Variants in SLC35F4 observed in about 807,000 individuals in gnomAD.
SLC35F4 encodes chromosome 14 open reading frame 36.
Under a neutral mutation model 44.2 loss-of-function variants are expected in SLC35F4, and 24 were observed. The observed-to-expected ratio is 0.54, with a 90% CI of 0.39 to 0.76. SLC35F4 has a LOEUF of 0.76. SLC35F4 is among the 30% of genes least tolerant of loss of function. The pLI is 0.00. For missense variants in SLC35F4, 562 were observed against 586.1 expected (o/e 0.96, Z 0.42); for synonymous variants, 238 against 223.6 (o/e 1.06, Z -0.57).
At chr14:57,957,414 G>A (rs1445410895) in intron 1 of SLC35F4, among the ~76,000 whole-genome samples, 1 of 141,018 alleles carries the variant, frequency 7.1e-6, no homozygotes, top group Non-Finnish European at 1.5e-5. Context: ...TTCTGCACAC[G>A]TACCCCAGAA....
At chr14:57,806,427 G>A (rs1456200609) in intron 1 of SLC35F4, among the ~76,000 whole-genome samples, 1 of 152,024 alleles carries the variant, frequency 6.6e-6, no homozygotes, top group Non-Finnish European at 1.5e-5. Context: ...AAAATATTGT[G>A]TCCCAAACAC....
rs534298833 is a variant in SLC35F4 at position 57,863,511 on chromosome 14, T to C, written c.103+2212A>G. Among the ~76,000 whole-genome samples, 3 of 152,372 alleles carry C rather than the reference T, an allele frequency of 2.0e-5. No homozygotes were observed. In the South Asian group the frequency reaches 6.2e-4, roughly 32 times the overall value. On this transcript the variant is annotated intron_variant, in intron 1 of 7. Coordinates refer to ENST00000556826, the MANE Select transcript of SLC35F4 (RefSeq NM_001306087.2). ...AAAGTCACCTTGCTTTCACATATTA[T>C]ATATTCATCACTGTAGCCTTTTCTT...
intron 1 of SLC35F4, among the ~76,000 whole-genome samples, chr14:57,740,861 T>C (rs1375356879): frequency 1.3e-5 from 2 of 152,194 alleles, no homozygotes; most frequent in Non-Finnish European, 2.9e-5. Flanking sequence ...AGTAGCCTAA[T>C]TGGGAGACAC....
At chr14:57,821,596 A>G (rs1214833062) in intron 1 of SLC35F4, among the ~76,000 whole-genome samples, 1 of 152,226 alleles carries the variant, frequency 6.6e-6, no homozygotes, top group African/African-American at 2.4e-5. Flanking sequence ...TGTCCATTCA[A>G]GTAAAGTTTA....
At chr14:57,577,684 T>A (rs969591317) in intron 4 of SLC35F4, among the ~76,000 whole-genome samples, 17 of 151,364 alleles carry the variant, frequency 1.1e-4, no homozygotes, top group South Asian at 2.1e-4. Context: ...AAAAAAAAAA[T>A]TAAGGTGGGT....
intron 1 of SLC35F4, among the ~76,000 whole-genome samples, chr14:57,739,556 G>A (rs1429160664): frequency 1.3e-5 from 2 of 152,072 alleles, no homozygotes; most frequent in African/African-American, 4.8e-5. Flanking sequence ...TTTTAATGCT[G>A]GTAAGCAAAA....
intron 1 of SLC35F4, among the ~76,000 whole-genome samples, chr14:57,881,931 A>T (rs1227144861): frequency 6.6e-6 from 1 of 152,188 alleles, no homozygotes; most frequent in Admixed American, 6.5e-5. Context: ...CTAAGACAGC[A>T]TCTGGGCATA....
At chr14:57,573,109 G>A (rs1402845171) in intron 4 of SLC35F4, among the ~76,000 whole-genome samples, 2 of 144,872 alleles carry the variant, frequency 1.4e-5, no homozygotes, top group African/African-American at 2.6e-5. Flanking sequence ...TGATTTTCGG[G>A]GGCCCTTTTG....
chr14:57,967,861 A>G (rs750390580), intron 1 of SLC35F4, among the ~76,000 whole-genome samples: 34 of 152,224 alleles, frequency 2.2e-4, no homozygotes, highest in Admixed American at 2.0e-3. Context: ...AAGAATTAAC[A>G]ATTAGGCTTT....
chr14:57,818,509 A>G (rs978467196), intron 1 of SLC35F4, among the ~76,000 whole-genome samples: 2 of 152,192 alleles, frequency 1.3e-5, no homozygotes, highest in African/African-American at 4.8e-5. Flanking sequence ...AAGATCTAGG[A>G]TTGATGCTAC....
chr14:57,600,985 C>T (rs562411211), intron 1 of SLC35F4, among the ~76,000 whole-genome samples: 3 of 151,960 alleles, frequency 2.0e-5, no homozygotes, highest in Admixed American at 2.0e-4. Context: ...GCAATAGAAA[C>T]TTTTCATTTC....
intron 2 of SLC35F4, among the ~76,000 whole-genome samples, chr14:57,592,708 A>G (rs1420903743): frequency 1.3e-5 from 2 of 152,186 alleles, no homozygotes; most frequent in African/African-American, 4.8e-5. Context: ...TAAAAAATAC[A>G]TTCTCAAATG....
chr14:57,784,711 G>A (rs1177837684), intron 1 of SLC35F4, among the ~76,000 whole-genome samples: 1 of 152,082 alleles, frequency 6.6e-6, no homozygotes, highest in African/African-American at 2.4e-5. Flanking sequence ...TTAGGGAAAT[G>A]AGAAAGAAAA....
chr14:57,620,298 G>A (rs1055147650), intron 1 of SLC35F4, among the ~76,000 whole-genome samples: 1 of 152,130 alleles, frequency 6.6e-6, no homozygotes, highest in Non-Finnish European at 1.5e-5. Context: ...GAGAAAGGTC[G>A]GGTTACACAC....
chr14:57,884,027 G>A (rs958437598), intron 1 of SLC35F4, among the ~76,000 whole-genome samples: 2 of 152,104 alleles, frequency 1.3e-5, no homozygotes, highest in African/African-American at 4.8e-5. Context: ...AAGAGCCGTG[G>A]ATAAAAATAG....
chr14:57,603,575 G>A (rs2139997172), intron 1 of SLC35F4, among the ~76,000 whole-genome samples: 1 of 152,254 alleles, frequency 6.6e-6, no homozygotes, highest in South Asian at 2.1e-4. Flanking sequence ...AGAATCTCCT[G>A]GAAGCCACAA....
At chr14:57,669,347 A>G (rs374799518) in intron 1 of SLC35F4, among the ~76,000 whole-genome samples, 44 of 151,866 alleles carry the variant, frequency 2.9e-4, no homozygotes, top group Non-Finnish European at 6.0e-4. Flanking sequence ...GATTGCCCTG[A>G]CCAGAACTTC....
intron 1 of SLC35F4, among the ~76,000 whole-genome samples, chr14:57,632,299 T>C (rs2072816616): frequency 6.6e-6 from 1 of 152,092 alleles, no homozygotes; most frequent in South Asian, 2.1e-4. Flanking sequence ...TATTTTTGAA[T>C]GTCTGGATCA....
chr14:57,946,315 T>C (rs1158762293), intron 1 of SLC35F4, among the ~76,000 whole-genome samples: 1 of 152,122 alleles, frequency 6.6e-6, no homozygotes, highest in Non-Finnish European at 1.5e-5. Flanking sequence ...AGGTGAGAGA[T>C]GGGGATCCAG....
Sources: gnomAD v4.1 joint callset for allele counts (sites outside exome capture counted in the v4.1 genomes callset) on GRCh38, gnomAD v4.1.1 for gene constraint, MANE v1.5 for transcripts, NCBI Gene and HGNC (gene_info 2026-07-23, HGNC 2026-07-21) for gene names.